SMAD1: variants seen among roughly 807,000 people sequenced by gnomAD.
SMAD1 encodes the protein SMAD family member 1.
A neutral mutation model predicts 41.6 loss-of-function variants in SMAD1; 6 were observed. The ratio of observed to expected loss-of-function variants is 0.14; its 90% CI spans 0.08 to 0.28. The LOEUF (loss-of-function observed/expected upper bound fraction) is 0.28, where lower values mean the gene tolerates loss of function less well. SMAD1 is among the 10% of genes least tolerant of loss of function. The pLI is 1.00. For synonymous variants in SMAD1, 206 were observed against 203.2 expected (o/e 1.01, Z -0.12); for missense variants, 379 against 582.6 (o/e 0.65, Z 3.60).
intron 1 of SMAD1, among the ~76,000 whole-genome samples, chr4:145,505,522 G>A (rs1729718726): frequency 6.6e-6 from 1 of 151,962 alleles, no homozygotes; most frequent in Non-Finnish European, 1.5e-5. Flanking sequence ...CGGAGGCTGA[G>A]GCAGGAGAAT....
intron 1 of SMAD1, among the ~76,000 whole-genome samples, chr4:145,485,731 T>C (rs1728449368): frequency 6.6e-6 from 1 of 152,270 alleles, no homozygotes; most frequent in Non-Finnish European, 1.5e-5. Flanking sequence ...TTATTTATTA[T>C]TAGTGTCATC....
intron 2 of SMAD1, among the ~76,000 whole-genome samples, chr4:145,531,619 T>C (rs1281690362): frequency 6.6e-6 from 1 of 152,154 alleles, no homozygotes; most frequent in Non-Finnish European, 1.5e-5. Context: ...AGGAAGACCC[T>C]GTGGAGAGCA....
intron 1 of SMAD1, among the ~76,000 whole-genome samples, chr4:145,496,921 A>C (rs1307851911): frequency 1.3e-5 from 2 of 152,198 alleles, no homozygotes; most frequent in Non-Finnish European, 1.5e-5. Flanking sequence ...TTTTTTGCCT[A>C]TACTCTGAAT....
At chr4:145,535,861 A>G (rs1351694525) in intron 2 of SMAD1, among the ~76,000 whole-genome samples, 1 of 152,116 alleles carries the variant, frequency 6.6e-6, no homozygotes, top group Non-Finnish European at 1.5e-5. Context: ...ATTCAAATAA[A>G]CTAACTGTGA....
At chr4:145,530,509 G>A (rs889027169) in intron 2 of SMAD1, among the ~76,000 whole-genome samples, 16 of 152,108 alleles carry the variant, frequency 1.1e-4, no homozygotes, top group African/African-American at 3.6e-4. Context: ...CTAGGAAGTT[G>A]GATTCTCAGA....
At chr4:145,548,111 A>AT (rs1732352433) in intron 5 of SMAD1, among the ~76,000 whole-genome samples, 2 of 152,320 alleles carry the variant, frequency 1.3e-5, no homozygotes, top group Non-Finnish European at 2.9e-5. Context: ...CTCATGGGGC[A>AT]TGCCTCAGGA....
At chr4:145,487,416 A>G (rs1415210371) in intron 1 of SMAD1, among the ~76,000 whole-genome samples, 4 of 152,146 alleles carry the variant, frequency 2.6e-5, no homozygotes, top group Non-Finnish European at 2.9e-5. Context: ...ATGTTCTGCT[A>G]CTTCTATATG....
chr4:145,516,073 T>TA (rs1730367711), intron 2 of SMAD1, among the ~76,000 whole-genome samples: 1 of 152,240 alleles, frequency 6.6e-6, no homozygotes, highest in Non-Finnish European at 1.5e-5. Flanking sequence ...AACATCTCTG[T>TA]ATCCCCTACT....
intron 1 of SMAD1, among the ~76,000 whole-genome samples, chr4:145,498,754 G>C (rs1729244551): frequency 6.6e-6 from 1 of 152,008 alleles, no homozygotes; most frequent in South Asian, 2.1e-4. Context: ...TTGTGGTATG[G>C]TTTTCTTTTC....
chr4:145,497,747 C>G (rs555304278), intron 1 of SMAD1: 102 of 152,324 alleles, frequency 6.7e-4, no homozygotes, highest in African/African-American at 2.4e-3. Flanking sequence ...GGGCACAGGG[C>G]TCACCTAATT....
chr4:145,541,494 C>G (rs1731929027), intron 3 of SMAD1, among the ~76,000 whole-genome samples: 1 of 152,164 alleles, frequency 6.6e-6, no homozygotes, highest in African/African-American at 2.4e-5. Flanking sequence ...GTCAGCCTTA[C>G]AGCTGCAGAG....
rs960281530 is a variant in SMAD1 at position 145,482,736 on chromosome 4, C to T, written c.-177+698C>T. On this transcript the variant is annotated intron_variant, in intron 1 of 6. Transcript: ENST00000302085. The surrounding 1 kb of genome is among the most constrained non-coding windows in gnomAD (Gnocchi z 4.2). Reference sequence around the variant, plus strand: ...TGGCGGCGGCGCGTAATTTTTTCCCCCTCTTCCGCCTACACCCGCTGCGTC... The same window carrying T: ...TGGCGGCGGCGCGTAATTTTTTCCCTCTCTTCCGCCTACACCCGCTGCGTC... 1.2e-4 allele frequency: 19 copies of T among 152,190 alleles called. No individual in the cohort carries two copies. Among genetic ancestry groups the T allele is most frequent in the Non-Finnish European group, 2.5e-4 (17 of 68,076 alleles). The allele number at this position is 152,190 out of a possible 1,614,324, so 9.4% of individuals were successfully genotyped here.
intron 1 of SMAD1, among the ~76,000 whole-genome samples, chr4:145,486,693 T>A (rs956410274): frequency 5.3e-5 from 8 of 152,216 alleles, no homozygotes; most frequent in African/African-American, 1.9e-4. Flanking sequence ...TTAAGATTTG[T>A]AATTTCCTTT....
intron 3 of SMAD1, among the ~76,000 whole-genome samples, chr4:145,541,243 G>T (rs920534509): frequency 3.0e-4 from 46 of 152,298 alleles, no homozygotes; most frequent in African/African-American, 1.0e-3. Context: ...TTTACACTTT[G>T]TCCCTAAATG....
intron 1 of SMAD1, among the ~76,000 whole-genome samples, chr4:145,494,975 G>A (rs769380074): frequency 1.7e-4 from 26 of 152,176 alleles, no homozygotes; most frequent in Non-Finnish European, 3.2e-4. Flanking sequence ...CAGCAGTTCT[G>A]TGAATCCCGG....
chr4:145,531,332 A>G (rs892031863), intron 2 of SMAD1, among the ~76,000 whole-genome samples: 1 of 152,208 alleles, frequency 6.6e-6, no homozygotes, highest in African/African-American at 2.4e-5. Flanking sequence ...GTCACTGAAC[A>G]CACTCTACTG....
At chr4:145,512,482 ACTAAT>A (rs1299196212) in intron 1 of SMAD1, among the ~76,000 whole-genome samples, 6 of 152,138 alleles carry the variant, frequency 3.9e-5, no homozygotes, top group Admixed American at 2.6e-4. Flanking sequence ...CTTCCTGCTC[ACTAAT>A]CTTTTATTCT....
At chr4:145,522,598 T>C (rs1730806538) in intron 2 of SMAD1, among the ~76,000 whole-genome samples, 1 of 152,042 alleles carries the variant, frequency 6.6e-6, no homozygotes, top group Admixed American at 6.6e-5. Flanking sequence ...AAACTCTGTC[T>C]CCAAAAAAAC....
Position 145,542,565 on chromosome 4 carries a change from C to A in SMAD1, c.659-17C>A. Reference sequence around the variant, plus strand: ...TTTACTAAGGGTTAAGAAATAACTTCTTTAAAAACTTTGTAGCTGATACGC... The same window carrying A: ...TTTACTAAGGGTTAAGAAATAACTTATTTAAAAACTTTGTAGCTGATACGC... On this transcript the variant is annotated splice_polypyrimidine_tract_variant and intron_variant, in intron 3 of 6. Transcript: ENST00000302085. The A allele has an allele frequency of 6.6e-7, 1 of 1,519,046 alleles. No homozygotes were observed. The highest frequency in any genetic ancestry group is 9.0e-7 in the Non-Finnish European group (1 of 1,105,828). The allele number at this position is 1,519,046 out of a possible 1,614,324, so 94.1% of individuals were successfully genotyped here. A position where few individuals can be genotyped will look rare whatever the true frequency, so the allele number is the denominator to read the frequency against.
Sources: gnomAD v4.1 joint callset for allele counts (sites outside exome capture counted in the v4.1 genomes callset) on GRCh38, gnomAD v4.1.1 for gene constraint, Gnocchi (gnomAD v3.1) non-coding constraint, MANE v1.5 for transcripts, NCBI Gene and HGNC (gene_info 2026-07-23, HGNC 2026-07-21) for gene names.